The following RGSL1 variants were observed in gnomAD, a reference collection of about 807,000 sequenced individuals.
The protein encoded by RGSL1 is regulator of G protein signaling like 1.
In RGSL1, 97 loss-of-function variants were observed where a neutral mutation model predicts 124.7. The ratio of observed to expected loss-of-function variants is 0.78; its 90% confidence interval spans 0.66 to 0.92. RGSL1 has a LOEUF of 0.92. Among genes scored for constraint, RGSL1 ranks in the 40% least tolerant of loss-of-function variants. RGSL1 has a pLI of 0.00. For synonymous variants in RGSL1, 424 were observed against 438.1 expected, an observed-to-expected ratio of 0.97 and a Z score of 0.40; for missense variants, 1,233 against 1,288.4, an observed-to-expected ratio of 0.96 and a Z score of 0.66.
rs529662045 is a variant in RGSL1 at position 182,463,151 on chromosome 1, G to A, written c.301+3018G>A. ...TATTAAAAATACAAAAAAATTAGCC[G>A]GGAATGGTGACAGGCGCCTGTAGTC... On this transcript the variant is annotated intron_variant, in intron 4 of 21. Transcript: ENST00000294854. 2.0e-4 allele frequency among the ~76,000 whole-genome samples: 31 copies of A among 152,048 alleles called. 1 individual carries two copies. In the South Asian group the frequency reaches 4.0e-3, roughly 19 times the overall value.
intron 9 of RGSL1, among the ~76,000 whole-genome samples, chr1:182,501,280 T>TTTC (rs1558319028): frequency 1.5e-3 from 77 of 51,906 alleles, no homozygotes; most frequent in African/African-American, 5.5e-3. Flanking sequence ...TTCTTTCTTT[T>TTTC]TTTTCTTTTC....
Position 182,473,588 on chromosome 1 carries a change from C to A in RGSL1, c.477C>A (p.Asn159Lys). The A allele has an allele frequency of 5.8e-6, 9 of 1,545,300 alleles. No individual in the cohort carries two copies. The highest frequency in any genetic ancestry group is 1.4e-5 in the African/African-American group (1 of 73,006). The change falls in exon 6 of 22, where the codon AAC becomes AAA. Residue 159 changes from asparagine to lysine, a missense_variant. Physicochemically the swap from Asn to Lys is moderately conservative, Grantham distance 94. Coordinates refer to ENST00000294854, the MANE Select transcript of RGSL1 (RefSeq NM_001137669.2). ...TATTATTTCCAGAGTCCCTCCTGAACCTCTCCATCTGGCATCCCAACCAAT... is the reference window on the plus strand; with the variant it reads ...TATTATTTCCAGAGTCCCTCCTGAAACTCTCCATCTGGCATCCCAACCAAT... ...LCNMNIKSLLNLSIWHPNQST... is the reference protein window; with the variant it reads ...LCNMNIKSLLKLSIWHPNQST...
chr1:182,519,728 T>G, intron 9 of RGSL1, among the ~76,000 whole-genome samples: 1 of 152,116 alleles, frequency 6.6e-6, no homozygotes, highest in Non-Finnish European at 1.5e-5. Flanking sequence ...ATATTTCGTA[T>G]ACTTTTTTCT....
intron 9 of RGSL1, among the ~76,000 whole-genome samples, chr1:182,498,360 A>G (rs866614296): frequency 1.5e-5 from 2 of 133,924 alleles, no homozygotes; most frequent in Non-Finnish European, 3.3e-5. Flanking sequence ...CTCTAGAATC[A>G]GTCGTTTATT....
chr1:182,500,083 T>G (rs1191924587), intron 9 of RGSL1, among the ~76,000 whole-genome samples: 2 of 152,230 alleles, frequency 1.3e-5, no homozygotes, highest in Non-Finnish European at 2.9e-5. Context: ...TAAAAATGTT[T>G]GCCAAATCCG....
At chr1:182,476,281 G>A (rs1419643284) in intron 6 of RGSL1, among the ~76,000 whole-genome samples, 2 of 152,142 alleles carry the variant, frequency 1.3e-5, no homozygotes, top group Non-Finnish European at 2.9e-5. Context: ...GATTCTCACA[G>A]CAAATACTTC....
At chr1:182,544,776 G>A (rs1403024286) in intron 15 of RGSL1, among the ~76,000 whole-genome samples, 5 of 151,840 alleles carry the variant, frequency 3.3e-5, no homozygotes, top group Non-Finnish European at 7.4e-5. Flanking sequence ...TCTTCAACTT[G>A]TAGCCTATTT....
At chr1:182,554,388 A>T (rs1476367028) in intron 19 of RGSL1, among the ~76,000 whole-genome samples, 1 of 152,192 alleles carries the variant, frequency 6.6e-6, no homozygotes. Flanking sequence ...GATTGACATC[A>T]TGGCCTTCGT....
intron 9 of RGSL1, among the ~76,000 whole-genome samples, chr1:182,494,648 C>T (rs1350907788): frequency 6.6e-6 from 1 of 151,798 alleles, no homozygotes; most frequent in South Asian, 2.1e-4. Flanking sequence ...AAATGGAACA[C>T]TTCTTTCATT....
intron 4 of RGSL1, among the ~76,000 whole-genome samples, chr1:182,461,299 A>G (rs902259749): frequency 2.6e-5 from 4 of 151,520 alleles, no homozygotes; most frequent in African/African-American, 7.3e-5. Flanking sequence ...TTCTTGGCAC[A>G]GAGATATCCT....
intron 4 of RGSL1, among the ~76,000 whole-genome samples, chr1:182,460,988 C>T (rs944450997): frequency 5.3e-5 from 8 of 152,094 alleles, no homozygotes; most frequent in East Asian, 3.9e-4. Flanking sequence ...ATCTGTGCTC[C>T]GATTGCTACT....
At chr1:182,495,057 G>T (rs1655815608) in intron 9 of RGSL1, among the ~76,000 whole-genome samples, 1 of 152,210 alleles carries the variant, frequency 6.6e-6, no homozygotes, top group Non-Finnish European at 1.5e-5. Context: ...ATGAATTGCT[G>T]CTCTTTCCAG....
At chr1:182,517,347 G>A (rs766593690) in intron 9 of RGSL1, among the ~76,000 whole-genome samples, 12 of 151,024 alleles carry the variant, frequency 7.9e-5, no homozygotes, top group Non-Finnish European at 1.8e-4. Flanking sequence ...TAGTCCTTGG[G>A]GTAGTCTTAT....
chr1:182,495,081 C>T (rs756120848), intron 9 of RGSL1, among the ~76,000 whole-genome samples: 1 of 152,188 alleles, frequency 6.6e-6, no homozygotes, highest in Non-Finnish European at 1.5e-5. Flanking sequence ...AGAAGGTGTT[C>T]AGTGTAATCA....
At chr1:182,465,870 G>GAAAAT (rs1409410156) in intron 4 of RGSL1, among the ~76,000 whole-genome samples, 4 of 152,162 alleles carry the variant, frequency 2.6e-5, no homozygotes, top group Admixed American at 2.6e-4. Flanking sequence ...GAAAAGAAAA[G>GAAAAT]TATAGGCCAA....
At chr1:182,455,875 A>G (rs1652276869) in intron 2 of RGSL1, among the ~76,000 whole-genome samples, 1 of 152,216 alleles carries the variant, frequency 6.6e-6, no homozygotes, top group African/African-American at 2.4e-5. Flanking sequence ...CCATCGAAGG[A>G]TTTGAAGTAA....
chr1:182,517,202 T>C (rs1206063644), intron 9 of RGSL1, among the ~76,000 whole-genome samples: 1 of 152,070 alleles, frequency 6.6e-6, no homozygotes, highest in Non-Finnish European at 1.5e-5. Flanking sequence ...TCCCTGCTGT[T>C]CTGTATGATT....
chr1:182,450,984 T>C (rs1255488522), intron 1 of RGSL1, among the ~76,000 whole-genome samples: 1 of 152,020 alleles, frequency 6.6e-6, no homozygotes, highest in African/African-American at 2.4e-5. Context: ...CCATCTCTAC[T>C]GAAAATACAG....
chr1:182,547,382 G>A (rs1406782960), intron 15 of RGSL1, among the ~76,000 whole-genome samples: 10 of 37,872 alleles, frequency 2.6e-4, no homozygotes. Flanking sequence ...AATAAAGGAT[G>A]TGGGGGAGGT....
Sources: gnomAD v4.1 joint callset for allele counts (sites outside exome capture counted in the v4.1 genomes callset) on GRCh38, gnomAD v4.1.1 for gene constraint, MANE v1.5 for transcripts, NCBI Gene and HGNC (gene_info 2026-07-23, HGNC 2026-07-21) for gene names.